LRMDA: variants seen among roughly 807,000 people sequenced by gnomAD.
LRMDA encodes leucine-rich melanocyte differentiation-associated protein.
Under a neutral mutation model 29.8 loss-of-function variants are expected in LRMDA, and 18 were observed. The ratio of observed to expected loss-of-function variants is 0.60; its 90% CI spans 0.42 to 0.90. The LOEUF (loss-of-function observed/expected upper bound fraction) is 0.90, where lower values mean the gene tolerates loss of function less well. Ranked by LOEUF, LRMDA falls within the 40% of genes least tolerant of loss-of-function variation. The pLI is 0.00. For synonymous variants in LRMDA, 125 were observed against 109.4 expected (o/e 1.14, Z -0.89); for missense variants, 273 against 273.9 (o/e 1.00, Z 0.02).
At chr10:75,843,831 A>G (rs994529767) in intron 2 of LRMDA, among the ~76,000 whole-genome samples, 2 of 152,202 alleles carry the variant, frequency 1.3e-5, no homozygotes, top group Admixed American at 6.5e-5. Context: ...ATAAGCCAAT[A>G]GAAGAGGAGA....
intron 2 of LRMDA, among the ~76,000 whole-genome samples, chr10:75,563,770 T>C (rs1283382478): frequency 6.6e-6 from 1 of 152,146 alleles, no homozygotes; most frequent in Non-Finnish European, 1.5e-5. Context: ...CAGCTGCAGG[T>C]CTGTTGGAGT....
chr10:76,493,250 C>T (rs145875191), intron 6 of LRMDA, among the ~76,000 whole-genome samples: 36 of 152,098 alleles, frequency 2.4e-4, no homozygotes, highest in African/African-American at 3.6e-4. Flanking sequence ...TCCCTTTCCA[C>T]GGGTAGATGA....
chr10:75,733,184 A>G (rs1312218906), intron 2 of LRMDA, among the ~76,000 whole-genome samples: 1 of 152,252 alleles, frequency 6.6e-6, no homozygotes, highest in Admixed American at 6.5e-5. Flanking sequence ...TATGACAGCC[A>G]TGCCCAGGCC....
chr10:76,365,969 T>G (rs1424780127), intron 6 of LRMDA, among the ~76,000 whole-genome samples: 5 of 152,222 alleles, frequency 3.3e-5, no homozygotes, highest in Non-Finnish European at 7.3e-5. Flanking sequence ...GGCTAGCCAG[T>G]TATCCCAGCA....
intron 6 of LRMDA, among the ~76,000 whole-genome samples, chr10:76,476,968 G>A (rs1842680409): frequency 6.6e-6 from 1 of 152,090 alleles, no homozygotes; most frequent in Admixed American, 6.6e-5. Context: ...AAAACTGGAA[G>A]CATTCCCTTT....
chr10:75,796,414 C>T (rs1843654609), intron 2 of LRMDA, among the ~76,000 whole-genome samples: 1 of 152,094 alleles, frequency 6.6e-6, no homozygotes, highest in Non-Finnish European at 1.5e-5. Flanking sequence ...TTTTCAGCCT[C>T]TATTGATTAT....
chr10:76,021,917 C>T (rs1007982450), intron 2 of LRMDA, among the ~76,000 whole-genome samples: 6 of 152,162 alleles, frequency 3.9e-5, no homozygotes, highest in Non-Finnish European at 7.3e-5. Context: ...GCTTTGCATA[C>T]GCTTTTTCCT....
intron 2 of LRMDA, among the ~76,000 whole-genome samples, chr10:75,562,806 T>C (rs1840316019): frequency 1.3e-5 from 2 of 152,160 alleles, no homozygotes; most frequent in African/African-American, 4.8e-5. Context: ...TTTGGCTGGA[T>C]ATGAAATTCT....
intron 6 of LRMDA, among the ~76,000 whole-genome samples, chr10:76,367,760 A>G (rs1841408442): frequency 6.6e-6 from 1 of 152,112 alleles, no homozygotes; most frequent in Non-Finnish European, 1.5e-5. Context: ...TAATTTTTAA[A>G]TGACCATTTC....
At chr10:75,715,325 A>G (rs1224636408) in intron 2 of LRMDA, among the ~76,000 whole-genome samples, 1 of 152,142 alleles carries the variant, frequency 6.6e-6, no homozygotes, top group Non-Finnish European at 1.5e-5. Flanking sequence ...ATTTTTCCTT[A>G]TTATAAAGAC....
intron 6 of LRMDA, among the ~76,000 whole-genome samples, chr10:76,476,934 AGCCAT>A (rs1842679835): frequency 6.6e-6 from 1 of 152,160 alleles, no homozygotes; most frequent in Non-Finnish European, 1.5e-5. Flanking sequence ...ACAAACCCAC[AGCCAT>A]TATCATACTG....
At chr10:76,265,718 C>A (rs192296427) in intron 5 of LRMDA, among the ~76,000 whole-genome samples, 440 of 152,284 alleles carry the variant, frequency 2.9e-3, no homozygotes, top group African/African-American at 9.7e-3. Context: ...AGAGTCAGAT[C>A]TTCAGCTTTC....
At chr10:75,530,429 C>T (rs1458017740) in intron 2 of LRMDA, among the ~76,000 whole-genome samples, 2 of 152,106 alleles carry the variant, frequency 1.3e-5, no homozygotes, top group African/African-American at 4.8e-5. Context: ...CACCTTGGGT[C>T]AGTTGACAAG....
At chr10:76,068,906 G>A (rs79143259) in intron 5 of LRMDA, among the ~76,000 whole-genome samples, 3,648 of 152,298 alleles carry the variant, frequency 0.024, 74 homozygotes, top group Middle Eastern at 0.037. Flanking sequence ...ACTCAGTGAG[G>A]GGCCAGATGC....
At chr10:76,460,313 C>A (rs374000421) in intron 6 of LRMDA, among the ~76,000 whole-genome samples, 15 of 152,330 alleles carry the variant, frequency 9.8e-5, no homozygotes, top group African/African-American at 3.1e-4. Flanking sequence ...GCTTCACACC[C>A]AGCATTTCTA....
chr10:75,709,440 G>A (rs757358039), intron 2 of LRMDA, among the ~76,000 whole-genome samples: 3 of 151,582 alleles, frequency 2.0e-5, no homozygotes, highest in Non-Finnish European at 4.4e-5. Flanking sequence ...GTGTGTGTCT[G>A]TGTATGTGCA....
intron 2 of LRMDA, among the ~76,000 whole-genome samples, chr10:75,636,783 G>T (rs1032714528): frequency 1.3e-4 from 20 of 152,012 alleles, no homozygotes; most frequent in African/African-American, 4.6e-4. Flanking sequence ...TTCACCCTCT[G>T]TGGAGTCCAC....
chr10:75,925,342 G>T (rs914307287), intron 2 of LRMDA, among the ~76,000 whole-genome samples: 1 of 152,068 alleles, frequency 6.6e-6, no homozygotes, highest in Non-Finnish European at 1.5e-5. Context: ...ATCAGGCCTC[G>T]GAGTACTTTC....
chr10:76,435,473 A>G (rs1283282564), intron 6 of LRMDA, among the ~76,000 whole-genome samples: 1 of 152,218 alleles, frequency 6.6e-6, no homozygotes, highest in African/African-American at 2.4e-5. Context: ...GAGGGGACTG[A>G]GAAGGCTACC....
Sources: allele counts gnomAD v4.1 joint callset (sites outside exome capture counted in the v4.1 genomes callset), GRCh38; gene constraint gnomAD v4.1.1; transcripts MANE v1.5; gene names NCBI Gene and HGNC (gene_info 2026-07-23, HGNC 2026-07-21).